The following KCNT1 variants were observed in gnomAD, a reference collection of about 807,000 sequenced individuals.
The protein encoded by KCNT1 is potassium sodium-activated channel subfamily T member 1.
In KCNT1, 78 loss-of-function variants were observed where a neutral mutation model predicts 147.8. That is an observed-to-expected ratio of 0.53 (90% CI 0.44 to 0.64). KCNT1 has a LOEUF of 0.64. Among genes scored for constraint, KCNT1 ranks in the 30% least tolerant of loss-of-function variants. KCNT1 has a pLI of 0.00. For missense variants in KCNT1, 1,419 were observed against 1,750.3 expected (o/e 0.81, Z 3.38); for synonymous variants, 867 against 748.8 (o/e 1.16, Z -2.58).
At chr9:135,762,538 C>T (rs755721582) in intron 11 of KCNT1, among the ~76,000 whole-genome samples, 4 of 151,968 alleles carry the variant, frequency 2.6e-5, no homozygotes, top group Admixed American at 6.6e-5. Context: ...ACTTGAGATC[C>T]GGCGTTCAAG....
Position 135,752,291 on chromosome 9 carries a change from T to A in KCNT1, c.434+1250T>A. The A allele has an allele frequency of 2.2e-6, 1 of 449,288 alleles. No homozygotes were observed. The highest frequency in any genetic ancestry group is 1.6e-5 in the South Asian group (1 of 63,326). The allele number at this position is 449,288 out of a possible 1,614,324, so 27.8% of individuals were successfully genotyped here. On this transcript the variant is annotated intron_variant, in intron 4 of 30. Transcript: ENST00000371757. This position sits in a 1 kb window ranked among gnomAD's most constrained non-coding sequence, Gnocchi z 5.1. ...GTAAACTTTTGCTCAATCCCCCTTT[T>A]CACCTGTTACCCCGTCACAAGGGGG...
intron 2 of KCNT1, among the ~76,000 whole-genome samples, chr9:135,743,410 C>T (rs1396158854): frequency 1.3e-5 from 2 of 152,086 alleles, no homozygotes; most frequent in African/African-American, 2.4e-5. Flanking sequence ...GTTCCATGCA[C>T]GGCACCAGCA....
At chr9:135,725,570 A>T (rs2131348511) in intron 2 of KCNT1, among the ~76,000 whole-genome samples, 1 of 152,298 alleles carries the variant, frequency 6.6e-6, no homozygotes, top group South Asian at 2.1e-4. Flanking sequence ...GGTCTCCAGA[A>T]CAGAGAGAAG....
intron 2 of KCNT1, among the ~76,000 whole-genome samples, chr9:135,739,510 C>T (rs1420557892): frequency 6.6e-6 from 1 of 152,044 alleles, no homozygotes; most frequent in Non-Finnish European, 1.5e-5. Flanking sequence ...TTGCCCCTCT[C>T]CTCTCCAAGA....
At chr9:135,727,427 C>G (rs1287860068) in intron 2 of KCNT1, among the ~76,000 whole-genome samples, 12 of 127,444 alleles carry the variant, frequency 9.4e-5, no homozygotes, top group Admixed American at 3.2e-4. Flanking sequence ...TCCCTTCTCT[C>G]CCCCCTCTCC....
chr9:135,784,933 C>G, intron 27 of KCNT1, 44 bp downstream of exon 27: 2 of 1,594,762 alleles, frequency 1.3e-6, no homozygotes, highest in Admixed American at 1.7e-5. Flanking sequence ...AGCCCCTGTC[C>G]TGTGTGACCC....
At chr9:135,733,039 C>T (rs1429161770) in intron 2 of KCNT1, among the ~76,000 whole-genome samples, 3 of 151,978 alleles carry the variant, frequency 2.0e-5, no homozygotes, top group Admixed American at 2.0e-4. Context: ...AGCAGCACCG[C>T]CTGTACCTCC....
chr9:135,738,386 A>T (rs1830424375), intron 2 of KCNT1, among the ~76,000 whole-genome samples: 1 of 152,166 alleles, frequency 6.6e-6, no homozygotes, highest in Non-Finnish European at 1.5e-5. Context: ...TCGCGCTGAG[A>T]TGAGTAGGGC....
rs1054400215 is a variant in KCNT1, at chr9:135,780,772, C to T, written c.2841+1302C>T. Among the ~76,000 whole-genome samples, 4 of 152,198 alleles carry T rather than the reference C, an allele frequency of 2.6e-5. No homozygotes were observed. In the East Asian group the frequency reaches 5.8e-4, roughly 22 times the overall value. On this transcript the variant is annotated intron_variant, in intron 24 of 30. Coordinates refer to ENST00000371757, the MANE Select transcript of KCNT1 (RefSeq NM_020822.3). ...GGGGTGTGCTCTGCAGCTGGAACCA[C>T]GGAAGGGGAGGAAGTTCACAGGATT...
intron 16 of KCNT1, 80 bp downstream of exon 16, chr9:135,770,135 G>T (rs1351019162): frequency 1.6e-5 from 22 of 1,408,762 alleles, no homozygotes; most frequent in Non-Finnish European, 1.7e-5. Flanking sequence ...GCTTGGGGGC[G>T]GGGATGGGCT....
At chr9:135,703,625 G>A (rs1161047164) in intron 1 of KCNT1, among the ~76,000 whole-genome samples, 1 of 152,226 alleles carries the variant, frequency 6.6e-6, no homozygotes, top group African/African-American at 2.4e-5. Context: ...CAGGCACAGA[G>A]AAAATGACCC....
At chr9:135,787,683 G>GGCCCCCA (rs1834172712) in intron 29 of KCNT1, among the ~76,000 whole-genome samples, 8 of 152,106 alleles carry the variant, frequency 5.3e-5, no homozygotes, top group Admixed American at 5.2e-4. Flanking sequence ...GACCTTTCCC[G>GGCCCCCA]GCCCCCAGCC....
At chr9:135,768,555 G>A (rs1832495460) in intron 13 of KCNT1, 55 bp from the exon 14 acceptor site, 1 of 1,453,888 alleles carries the variant, frequency 6.9e-7, no homozygotes, top group South Asian at 1.2e-5. Context: ...CGCACCCCCG[G>A]CTGCACTGCC....
In KCNT1 at chr9:135,770,443, A is replaced by G; in HGVS notation, c.1765A>G (p.Lys589Glu). The change falls in exon 17 of 31, where the codon AAG becomes GAG. Residue 589 changes from lysine to glutamate, a missense_variant. Lys to Glu is a moderately conservative substitution (Grantham distance 56). Transcript: ENST00000371757. ...CACCTACGCGGCCTTCCACGCCCAC[A>G]AGAAGTAAGGCCGGGCTGCATCCAC... ...SFTYAAFHAH[K>E]KYGVCLIGLK... The G allele has an allele frequency of 3.7e-6, 6 of 1,610,706 alleles. No individual in the cohort carries two copies. The highest frequency in any genetic ancestry group is 5.1e-6 in the Non-Finnish European group (6 of 1,178,530).
intron 6 of KCNT1, 56 bp from the exon 7 acceptor site, chr9:135,756,817 G>GGCCCCA (rs1361800579): frequency 2.6e-5 from 39 of 1,495,528 alleles, no homozygotes; most frequent in South Asian, 3.4e-5. Flanking sequence ...TGTGGGGTCA[G>GGCCCCA]GCCCCAGCCC....
chr9:135,751,700 G>C (rs564685234), intron 4 of KCNT1, among the ~76,000 whole-genome samples: 3 of 152,326 alleles, frequency 2.0e-5, no homozygotes, highest in African/African-American at 7.2e-5. Flanking sequence ...GGCAACTCCT[G>C]CTCACCTCTG....
chr9:135,768,339 T>G (rs868294675), intron 13 of KCNT1: 5 of 103,760 alleles, frequency 4.8e-5, no homozygotes, highest in African/African-American at 5.2e-4. Flanking sequence ...CACTGTGATG[T>G]GGGTTGGGGG....
chr9:135,712,808 G>A (rs965444209), intron 1 of KCNT1, among the ~76,000 whole-genome samples: 2 of 152,224 alleles, frequency 1.3e-5, no homozygotes, highest in African/African-American at 4.8e-5. Context: ...GGGGAACAAG[G>A]CAGGATGCCA....
intron 2 of KCNT1, among the ~76,000 whole-genome samples, chr9:135,728,630 C>T (rs1836313018): frequency 1.3e-5 from 2 of 152,272 alleles, no homozygotes; most frequent in South Asian, 2.1e-4. Context: ...AGCCGGGGGC[C>T]GGAGAGTGAG....
Sources: allele counts gnomAD v4.1 joint callset (sites outside exome capture counted in the v4.1 genomes callset), GRCh38; gene constraint gnomAD v4.1.1; non-coding constraint Gnocchi (gnomAD v3.1); transcripts MANE v1.5; gene names NCBI Gene and HGNC (gene_info 2026-07-23, HGNC 2026-07-21).